The following FRMD5 variants were observed in gnomAD, a reference collection of about 807,000 sequenced individuals.
FRMD5 encodes the protein FERM domain-containing protein 5.
Under a neutral mutation model 69.0 loss-of-function variants are expected in FRMD5, and 20 were observed. The observed-to-expected ratio is 0.29, with a 90% CI of 0.20 to 0.42. FRMD5 has a LOEUF of 0.42. FRMD5 is among the 10% of genes least tolerant of loss of function. FRMD5 has a pLI of 1.00. For synonymous variants in FRMD5, 271 were observed against 260.1 expected (o/e 1.04, Z -0.40); for missense variants, 595 against 708.6 (o/e 0.84, Z 1.82).
At chr15:44,035,572 GTATT>G (rs1891871273) in intron 1 of FRMD5, among the ~76,000 whole-genome samples, 1 of 152,120 alleles carries the variant, frequency 6.6e-6, no homozygotes, top group African/African-American at 2.4e-5. Flanking sequence ...CTCCCAAAGA[GTATT>G]TGATTTTTCT....
chr15:44,137,493 A>G (rs2077204290), intron 1 of FRMD5, among the ~76,000 whole-genome samples: 1 of 152,188 alleles, frequency 6.6e-6, no homozygotes, highest in African/African-American at 2.4e-5. Context: ...TCATGCAAGT[A>G]AATATGATTA....
At chr15:44,039,923 C>A (rs1171280223) in intron 1 of FRMD5, among the ~76,000 whole-genome samples, 1 of 151,806 alleles carries the variant, frequency 6.6e-6, no homozygotes, top group Admixed American at 6.6e-5. Flanking sequence ...AGCTAAGAAC[C>A]TTGAAAAAAT....
intron 1 of FRMD5, among the ~76,000 whole-genome samples, chr15:44,124,011 G>C (rs892743532): frequency 6.6e-6 from 1 of 151,762 alleles, no homozygotes; most frequent in African/African-American, 2.4e-5. Context: ...TGTTTTTTGA[G>C]ACAGAGTTTT....
intron 1 of FRMD5, among the ~76,000 whole-genome samples, chr15:44,173,518 T>A (rs529975344): frequency 8.6e-5 from 13 of 150,862 alleles, no homozygotes; most frequent in African/African-American, 2.9e-4. Flanking sequence ...AAGAAAAAAA[T>A]ATACATATTT....
At chr15:43,965,355 A>G (rs1325657792) in intron 1 of FRMD5, among the ~76,000 whole-genome samples, 1 of 152,146 alleles carries the variant, frequency 6.6e-6, no homozygotes, top group Non-Finnish European at 1.5e-5. Context: ...CTGTACATAC[A>G]CTGCGCCTAA....
intron 7 of FRMD5, among the ~76,000 whole-genome samples, chr15:43,901,489 G>A (rs774426606): frequency 5.3e-5 from 8 of 152,164 alleles, no homozygotes; most frequent in Non-Finnish European, 1.2e-4. Context: ...TGGAAAGAGA[G>A]AGGCAGAAAT....
At chr15:43,992,098 A>G (rs1889712285) in intron 1 of FRMD5, among the ~76,000 whole-genome samples, 1 of 152,270 alleles carries the variant, frequency 6.6e-6, no homozygotes, top group African/African-American at 2.4e-5. Context: ...TGAAAATAAT[A>G]AAGTTGGCTT....
chr15:43,904,684 T>G (rs1214308020), intron 6 of FRMD5, among the ~76,000 whole-genome samples: 2 of 147,502 alleles, frequency 1.4e-5, no homozygotes, highest in Non-Finnish European at 2.9e-5. Context: ...TGGCCAACAC[T>G]GCATTCTATA....
chr15:43,950,683 C>A (rs2090013047), intron 1 of FRMD5, among the ~76,000 whole-genome samples: 1 of 152,116 alleles, frequency 6.6e-6, no homozygotes, highest in African/African-American at 2.4e-5. Flanking sequence ...GACCTGGCAT[C>A]CTGAGATGAT....
At chr15:44,106,241 C>A (rs2076716471) in intron 1 of FRMD5, among the ~76,000 whole-genome samples, 1 of 152,064 alleles carries the variant, frequency 6.6e-6, no homozygotes, top group African/African-American at 2.4e-5. Flanking sequence ...ATTCTTCATG[C>A]ATAGAAAGAC....
chr15:43,972,075 A>AATAT (rs140728846), intron 1 of FRMD5, among the ~76,000 whole-genome samples: 33 of 146,346 alleles, frequency 2.3e-4, no homozygotes, highest in African/African-American at 5.2e-4. Context: ...CTTATATATA[A>AATAT]ATATATATAT....
chr15:44,044,296 A>G (rs1380324271), intron 1 of FRMD5, among the ~76,000 whole-genome samples: 2 of 152,222 alleles, frequency 1.3e-5, no homozygotes, highest in African/African-American at 4.8e-5. Flanking sequence ...GATGTGGGGA[A>G]ATAGGAACAC....
At chr15:44,166,868 G>A (rs1033800018) in intron 1 of FRMD5, among the ~76,000 whole-genome samples, 8 of 149,874 alleles carry the variant, frequency 5.3e-5, no homozygotes, top group East Asian at 1.9e-4. Context: ...CAGTAACTCC[G>A]AATACTGCTT....
At chr15:43,951,648 T>G (rs968706984) in intron 1 of FRMD5, among the ~76,000 whole-genome samples, 21 of 152,210 alleles carry the variant, frequency 1.4e-4, no homozygotes, top group African/African-American at 4.8e-4. Flanking sequence ...TCATGCACAG[T>G]ACAGTGGTAT....
chr15:43,998,123 A>G (rs1280506557), intron 1 of FRMD5, among the ~76,000 whole-genome samples: 1 of 152,178 alleles, frequency 6.6e-6, no homozygotes, highest in Non-Finnish European at 1.5e-5. Context: ...TCAGGGATAT[A>G]ACGATCATAG....
Position 43,912,644 on chromosome 15 carries a change from C to T in FRMD5, c.330-2665G>A, listed in dbSNP as rs576516665. ...TAACATGGCTCTGGGCAGTGATTCTCAATGTGGCAGAGAGGGGAACATCTT... is the reference window on the plus strand; with the variant it reads ...TAACATGGCTCTGGGCAGTGATTCTTAATGTGGCAGAGAGGGGAACATCTT... On this transcript the variant is annotated intron_variant, in intron 4 of 13. Transcript: ENST00000417257. Among the ~76,000 whole-genome samples, 6 of 152,082 alleles carry T rather than the reference C, an allele frequency of 3.9e-5. No individual in the cohort carries two copies. The South Asian group carries it at 1.2e-3, about 32-fold the overall frequency.
At chr15:43,910,383 A>G (rs1020791763) in intron 4 of FRMD5, among the ~76,000 whole-genome samples, 1 of 152,120 alleles carries the variant, frequency 6.6e-6, no homozygotes, top group South Asian at 2.1e-4. Context: ...CTTCTTAAGT[A>G]GAATGGTGGG....
At chr15:44,110,318 G>T (rs1231350365) in intron 1 of FRMD5, among the ~76,000 whole-genome samples, 1 of 152,118 alleles carries the variant, frequency 6.6e-6, no homozygotes, top group African/African-American at 2.4e-5. Context: ...TCAGCCTCCT[G>T]AGTAGCTGGG....
intron 1 of FRMD5, among the ~76,000 whole-genome samples, chr15:44,143,221 C>T (rs1388895361): frequency 2.0e-5 from 3 of 152,200 alleles, no homozygotes; most frequent in Admixed American, 2.0e-4. Flanking sequence ...GTATCAGACA[C>T]AGTACACCCT....
Sources: allele counts gnomAD v4.1 joint callset (sites outside exome capture counted in the v4.1 genomes callset), GRCh38; gene constraint gnomAD v4.1.1; transcripts MANE v1.5; gene names NCBI Gene and HGNC (gene_info 2026-07-23, HGNC 2026-07-21).